Variants in ROR1 observed in about 807,000 individuals in gnomAD.
ROR1 encodes inactive tyrosine-protein kinase transmembrane receptor ROR1.
Under a neutral mutation model 78.8 loss-of-function variants are expected in ROR1, and 19 were observed. The observed-to-expected ratio is 0.24, with a 90% CI of 0.17 to 0.35. The LOEUF (loss-of-function observed/expected upper bound fraction) is 0.35. ROR1 is among the 10% of genes least tolerant of loss of function. The probability of loss-of-function intolerance (pLI) is 1.00; values close to 1 mark genes in which losing one functional copy is unlikely to be tolerated. For synonymous variants in ROR1, 386 were observed against 433.6 expected, an observed-to-expected ratio of 0.89 and a Z score of 1.36; for missense variants, 917 against 1,177.8, an observed-to-expected ratio of 0.78 and a Z score of 3.24.
intron 1 of ROR1, among the ~76,000 whole-genome samples, chr1:63,781,468 CT>C (rs1644650947): frequency 6.6e-6 from 1 of 152,146 alleles, no homozygotes; most frequent in Non-Finnish European, 1.5e-5. Context: ...GATGTATGCT[CT>C]TTTTGTTATC....
intron 4 of ROR1, among the ~76,000 whole-genome samples, chr1:64,125,381 G>A (rs559862193): frequency 4.6e-5 from 7 of 152,268 alleles, no homozygotes; most frequent in South Asian, 2.1e-4. Context: ...AGGAGAAAAC[G>A]TATGTCACCT....
intron 1 of ROR1, among the ~76,000 whole-genome samples, chr1:63,883,491 G>A (rs1645336911): frequency 6.6e-6 from 1 of 152,046 alleles, no homozygotes; most frequent in Admixed American, 6.6e-5. Context: ...ATTTGCCCGG[G>A]AAAGAAGGCA....
At chr1:63,833,660 C>T (rs1239285862) in intron 1 of ROR1, among the ~76,000 whole-genome samples, 2 of 151,956 alleles carry the variant, frequency 1.3e-5, no homozygotes, top group East Asian at 3.9e-4. Context: ...TATAAAGTTC[C>T]TTTTCATTTT....
chr1:63,998,063 CAA>C (rs1646352895), intron 1 of ROR1, among the ~76,000 whole-genome samples: 1 of 152,090 alleles, frequency 6.6e-6, no homozygotes, highest in Non-Finnish European at 1.5e-5. Flanking sequence ...TTGAACAACA[CAA>C]AGCTGACACC....
Position 64,177,742 on chromosome 1 carries a change from A to G in ROR1, c.1701A>G (p.Arg567=), listed in dbSNP as rs139252286. The change falls in exon 9 of 9, where the codon AGA becomes AGG. Residue 567 remains arginine (R), a synonymous_variant. Coordinates refer to ENST00000371079, the MANE Select transcript of ROR1 (RefSeq NM_005012.4). The part of the protein sequence containing the change: ...QGDLHEFLIM[R]SPHSDVGCSS... ...ATCTCCATGAGTTCCTCATCATGAG[A>G]TCCCCACACTCTGATGTTGGCTGCA... The G allele has an allele frequency of 6.2e-7, 1 of 1,614,090 alleles. No homozygotes were observed. Among genetic ancestry groups the G allele is most frequent in the Non-Finnish European group, 8.5e-7 (1 of 1,180,002 alleles).
At chr1:64,085,725 CA>C (rs1647147113) in intron 4 of ROR1, among the ~76,000 whole-genome samples, 1 of 151,988 alleles carries the variant, frequency 6.6e-6, no homozygotes. Context: ...AGCTTCCCTG[CA>C]AAATCATTAA....
chr1:64,096,894 C>T (rs1177434154), intron 4 of ROR1, among the ~76,000 whole-genome samples: 1 of 130,794 alleles, frequency 7.6e-6, no homozygotes, highest in East Asian at 2.2e-4. Flanking sequence ...TTCTCCACAA[C>T]CTCACCAGCA....
intron 2 of ROR1, among the ~76,000 whole-genome samples, chr1:64,015,489 T>A (rs1222538173): frequency 6.6e-6 from 1 of 152,164 alleles, no homozygotes. Flanking sequence ...GTTTGCTCCC[T>A]CTTGTCCCCA....
At chr1:63,892,321 T>C (rs1645404132) in intron 1 of ROR1, among the ~76,000 whole-genome samples, 1 of 152,122 alleles carries the variant, frequency 6.6e-6, no homozygotes, top group East Asian at 1.9e-4. Context: ...AAGGAGATGA[T>C]AACAAATTGG....
intron 8 of ROR1, among the ~76,000 whole-genome samples, chr1:64,160,698 C>T (rs1292059310): frequency 6.6e-6 from 1 of 152,188 alleles, no homozygotes; most frequent in Admixed American, 6.5e-5. Flanking sequence ...TACACATTCA[C>T]CTAGTTGACC....
intron 1 of ROR1, among the ~76,000 whole-genome samples, chr1:63,800,747 A>G (rs1644791878): frequency 6.6e-6 from 1 of 152,196 alleles, no homozygotes; most frequent in African/African-American, 2.4e-5. Flanking sequence ...ATTCATCTGC[A>G]CATTAACATC....
intron 7 of ROR1, among the ~76,000 whole-genome samples, chr1:64,153,147 A>G (rs1345833864): frequency 6.6e-6 from 1 of 152,232 alleles, no homozygotes; most frequent in African/African-American, 2.4e-5. Flanking sequence ...GAAGATATAC[A>G]AATGGCCAAA....
At chr1:63,836,245 A>T (rs770609879) in intron 1 of ROR1, among the ~76,000 whole-genome samples, 2 of 152,202 alleles carry the variant, frequency 1.3e-5, no homozygotes, top group Non-Finnish European at 2.9e-5. Flanking sequence ...TCAACACCAT[A>T]GTCCGTCCAT....
At chr1:63,854,072 T>A (rs913657241) in intron 1 of ROR1, among the ~76,000 whole-genome samples, 2 of 152,230 alleles carry the variant, frequency 1.3e-5, no homozygotes, top group East Asian at 3.8e-4. Context: ...TGAATGTTCC[T>A]TCTAGCTTTG....
chr1:64,169,666 G>A (rs10789151), intron 8 of ROR1, among the ~76,000 whole-genome samples: 86,960 of 151,960 alleles, frequency 0.57, 25,114 homozygotes, highest in Non-Finnish European at 0.6. Context: ...AACTCATTTC[G>A]GCATTAACTC....
intron 1 of ROR1, among the ~76,000 whole-genome samples, chr1:63,894,985 C>T (rs564865801): frequency 1.3e-5 from 2 of 152,214 alleles, no homozygotes; most frequent in East Asian, 1.9e-4. Context: ...AACTCCTGGA[C>T]GTGGATTACA....
intron 1 of ROR1, among the ~76,000 whole-genome samples, chr1:63,912,039 C>A (rs1372166230): frequency 1.3e-5 from 2 of 150,976 alleles, no homozygotes; most frequent in Non-Finnish European, 2.9e-5. Flanking sequence ...GTAATCCCAG[C>A]ACTTTGGAAG....
At chr1:64,114,743 A>G (rs979868022) in intron 4 of ROR1, among the ~76,000 whole-genome samples, 17 of 152,110 alleles carry the variant, frequency 1.1e-4, no homozygotes, top group African/African-American at 4.1e-4. Flanking sequence ...TGAGGGAATC[A>G]TAGGGCCATC....
At chr1:63,838,132 TAGTA>T (rs1281999014) in intron 1 of ROR1, among the ~76,000 whole-genome samples, 1 of 152,156 alleles carries the variant, frequency 6.6e-6, no homozygotes, top group Non-Finnish European at 1.5e-5. Context: ...ATAATGATAA[TAGTA>T]AGTATATTTG....
Sources: gnomAD v4.1 joint callset for allele counts (sites outside exome capture counted in the v4.1 genomes callset) on GRCh38, gnomAD v4.1.1 for gene constraint, MANE v1.5 for transcripts, NCBI Gene and HGNC (gene_info 2026-07-23, HGNC 2026-07-21) for gene names.